PHACTR3: variants seen among roughly 807,000 people sequenced by gnomAD.
The protein encoded by PHACTR3 is protein phosphatase 1, regulatory subunit 123.
PHACTR3 carries 16 observed loss-of-function variants against 66.8 expected under a neutral mutation model. The ratio of observed to expected loss-of-function variants is 0.24; its 90% CI spans 0.16 to 0.36. The LOEUF (loss-of-function observed/expected upper bound fraction) is 0.36. Among genes scored for constraint, PHACTR3 ranks in the 10% least tolerant of loss-of-function variants. The pLI, the probability that PHACTR3 is intolerant of heterozygous loss-of-function variation, is 1.00. For synonymous variants in PHACTR3, 323 were observed against 292.1 expected (o/e 1.11, Z -1.08); for missense variants, 647 against 719.9 (o/e 0.90, Z 1.16).
At chr20:59,746,202 C>T (rs1449895422) in intron 2 of PHACTR3, among the ~76,000 whole-genome samples, 2 of 152,224 alleles carry the variant, frequency 1.3e-5, no homozygotes, top group Admixed American at 6.5e-5. Context: ...CCTTTTCATC[C>T]TTTGGCTTTA....
At chr20:59,678,067 C>A (rs1279041547) in intron 1 of PHACTR3, among the ~76,000 whole-genome samples, 1 of 152,196 alleles carries the variant, frequency 6.6e-6, no homozygotes, top group African/African-American at 2.4e-5. Flanking sequence ...TCTTTCTTCC[C>A]CATACATTTT....
chr20:59,767,516 A>G (rs2040219794), intron 5 of PHACTR3, 121 bp downstream of exon 5: 5 of 1,163,906 alleles, frequency 4.3e-6, no homozygotes, highest in Non-Finnish European at 6.0e-6. Context: ...TCATCCATCC[A>G]TCCATACCTT....
chr20:59,838,711 G>A (rs940502646), intron 9 of PHACTR3, among the ~76,000 whole-genome samples: 3 of 152,144 alleles, frequency 2.0e-5, no homozygotes, highest in South Asian at 2.1e-4. Flanking sequence ...ATACATTTCT[G>A]GATATTCATG....
At chr20:59,687,142 GTGA>G (rs1313791923) in intron 1 of PHACTR3, among the ~76,000 whole-genome samples, 3 of 150,594 alleles carry the variant, frequency 2.0e-5, no homozygotes, top group African/African-American at 7.3e-5. Context: ...GGTGGTGACA[GTGA>G]TGATGACGAT....
At chr20:59,658,471 G>A (rs2035699211) in intron 1 of PHACTR3, among the ~76,000 whole-genome samples, 1 of 151,792 alleles carries the variant, frequency 6.6e-6, no homozygotes, top group Non-Finnish European at 1.5e-5. Flanking sequence ...ATTGTTGTTT[G>A]TTTATGTGTT....
chr20:59,732,512 C>T (rs895485073), intron 1 of PHACTR3, among the ~76,000 whole-genome samples: 1 of 152,130 alleles, frequency 6.6e-6, no homozygotes, highest in African/African-American at 2.4e-5. Context: ...CACTCTGAAG[C>T]TTAGCCAGGC....
chr20:59,602,106 C>T (rs962203825), upstream of PHACTR3, among the ~76,000 whole-genome samples: 2 of 152,150 alleles, frequency 1.3e-5, no homozygotes, highest in East Asian at 1.9e-4. Context: ...TGTCTCTATT[C>T]GGTGCCTGCC....
chr20:59,843,460 C>T (rs983008653), intron 11 of PHACTR3: 32 of 151,802 alleles, frequency 2.1e-4, no homozygotes, highest in Admixed American at 2.0e-3. Context: ...TAAGGTTATA[C>T]TACCAGCATA....
intron 1 of PHACTR3, among the ~76,000 whole-genome samples, chr20:59,667,684 GGGCTTAGGTTTTA>G (rs1431826234): frequency 6.6e-6 from 1 of 152,192 alleles, no homozygotes; most frequent in African/African-American, 2.4e-5. Context: ...CCTGCCTCTG[GGGCTTAGGTTTTA>G]GACCAGAGCG....
intron 7 of PHACTR3, among the ~76,000 whole-genome samples, chr20:59,783,426 C>T (rs981042392): frequency 2.0e-5 from 3 of 150,686 alleles, no homozygotes; most frequent in African/African-American, 5.0e-5. Context: ...GGCTGCCCCC[C>T]GCCCCGCCCC....
At chr20:59,714,029 T>C (rs1233405389) in intron 1 of PHACTR3, among the ~76,000 whole-genome samples, 1 of 152,214 alleles carries the variant, frequency 6.6e-6, no homozygotes, top group Non-Finnish European at 1.5e-5. Context: ...CCTTTTTATT[T>C]TTTCATGGCT....
chr20:59,750,909 C>T (rs901613559), intron 3 of PHACTR3, among the ~76,000 whole-genome samples: 5 of 152,192 alleles, frequency 3.3e-5, no homozygotes, highest in Admixed American at 2.0e-4. Context: ...TTCCCTGCAC[C>T]GCAGTTTCCG....
Position 59,743,092 on chromosome 20 carries a change from G to T in PHACTR3, c.119-15G>T, listed in dbSNP as rs1383083070. Reference sequence around the variant, plus strand: ...TGGTGGCCACTTGAGGACCCCCTTGGTTTTCGTCTTCCAGATGAGATGGAC... The same window carrying T: ...TGGTGGCCACTTGAGGACCCCCTTGTTTTTCGTCTTCCAGATGAGATGGAC... On this transcript the variant is annotated splice_polypyrimidine_tract_variant and intron_variant, in intron 1 of 12. Transcript: ENST00000371015. 1.2e-6 allele frequency: 2 copies of T among 1,608,336 alleles called. No homozygotes were observed. The highest frequency in any genetic ancestry group is 3.4e-5 in the Admixed American group (2 of 59,446).
intron 8 of PHACTR3, among the ~76,000 whole-genome samples, chr20:59,818,621 T>G (rs561450020): frequency 1.3e-5 from 2 of 152,292 alleles, no homozygotes; most frequent in South Asian, 4.1e-4. Context: ...TGGTACTGAG[T>G]CCTGTGGGTA....
chr20:59,745,782 T>A (rs1232562939), intron 2 of PHACTR3, among the ~76,000 whole-genome samples: 1 of 152,162 alleles, frequency 6.6e-6, no homozygotes, highest in African/African-American at 2.4e-5. Flanking sequence ...TCAGATCCAC[T>A]CAGCCATTTA....
In PHACTR3 at chr20:59,830,180, C is replaced by CTGATAGAAGAGTGTATGA. The variant is rs1568864538; in HGVS notation, c.1329-6325_1329-6324insTGATAGAAGAGTGTATGA. ...TGCGTGTCTGGTGGAAGAGGGTGTG[C>CTGATAGAAGAGTGTATGA]GTGTCTGATGGAAGAGGGTATGAGT... On this transcript the variant is annotated intron_variant, in intron 8 of 12. Coordinates refer to ENST00000371015, the MANE Select transcript of PHACTR3 (RefSeq NM_080672.5). The surrounding 1 kb of genome is among the most constrained non-coding windows in gnomAD (Gnocchi z 5.8). Among the ~76,000 whole-genome samples, 3 of 145,568 alleles carry CTGATAGAAGAGTGTATGA rather than the reference C, an allele frequency of 2.1e-5. No homozygotes were observed. The highest frequency in any genetic ancestry group is 7.7e-5 in the African/African-American group (3 of 38,816).
At chr20:59,689,929 C>A (rs1190335742) in intron 1 of PHACTR3, among the ~76,000 whole-genome samples, 2 of 152,150 alleles carry the variant, frequency 1.3e-5, no homozygotes, top group African/African-American at 4.8e-5. Flanking sequence ...GATACAGATG[C>A]ATCCTGAGCC....
intron 1 of PHACTR3, among the ~76,000 whole-genome samples, chr20:59,619,002 G>T (rs143512482): frequency 2.6e-5 from 4 of 152,194 alleles, no homozygotes; most frequent in East Asian, 3.9e-4. Context: ...GTGGGCAAAG[G>T]TTCTTTTCCT....
chr20:59,672,011 G>C lies in PHACTR3; in HGVS notation c.118+66879G>C, dbSNP rs143612548. On this transcript the variant is annotated intron_variant, in intron 1 of 12. Transcript: ENST00000371015. ...AATGTGGCCCATCAGGCCTCAGCTA[G>C]AGATTCTTCCCTAAGGAAGTCTGGA... Among the ~76,000 whole-genome samples the C allele has an allele frequency of 3.0e-3, 461 of 152,380 alleles. 4 individuals carry two copies. Among genetic ancestry groups the C allele is most frequent in the African/African-American group, 0.01 (429 of 41,596 alleles).
Sources: allele counts gnomAD v4.1 joint callset (sites outside exome capture counted in the v4.1 genomes callset), GRCh38; gene constraint gnomAD v4.1.1; non-coding constraint Gnocchi (gnomAD v3.1); transcripts MANE v1.5; gene names NCBI Gene and HGNC (gene_info 2026-07-23, HGNC 2026-07-21).